CAMTA1: variants seen among roughly 807,000 people sequenced by gnomAD.
The protein encoded by CAMTA1 is calmodulin-binding transcription activator 1.
A neutral mutation model predicts 170.9 loss-of-function variants in CAMTA1; 27 were observed. The observed-to-expected ratio is 0.16, with a 90% CI of 0.12 to 0.22. The LOEUF is 0.22. CAMTA1 is among the 10% of genes least tolerant of loss of function. The pLI is 1.00. For missense variants in CAMTA1, 1,619 were observed against 2,217.2 expected (o/e 0.73, Z 5.42); for synonymous variants, 833 against 891.5 (o/e 0.93, Z 1.17).
chr1:7,374,486 C>T (rs1156951984), intron 5 of CAMTA1, among the ~76,000 whole-genome samples: 1 of 152,220 alleles, frequency 6.6e-6, no homozygotes, highest in Non-Finnish European at 1.5e-5. Flanking sequence ...GAGGGGCCGC[C>T]AACAATGACA....
At chr1:7,704,820 G>A (rs1422946214) in intron 11 of CAMTA1, among the ~76,000 whole-genome samples, 2 of 147,360 alleles carry the variant, frequency 1.4e-5, no homozygotes, top group East Asian at 2.0e-4. Flanking sequence ...GGGCGGGGCC[G>A]GGCGGGGCGC....
chr1:7,006,159 G>A (rs1466041148), intron 3 of CAMTA1, among the ~76,000 whole-genome samples: 1 of 152,150 alleles, frequency 6.6e-6, no homozygotes, highest in Non-Finnish European at 1.5e-5. Context: ...TTTGGGTTTG[G>A]AAATTTTCCA....
At chr1:7,380,561 C>T (rs1461231304) in intron 5 of CAMTA1, among the ~76,000 whole-genome samples, 2 of 152,062 alleles carry the variant, frequency 1.3e-5, no homozygotes, top group African/African-American at 2.4e-5. Context: ...GCAACAAGAG[C>T]GAAACTCTGT....
intron 3 of CAMTA1, among the ~76,000 whole-genome samples, chr1:6,836,415 T>G (rs530310604): frequency 1.3e-5 from 2 of 152,310 alleles, no homozygotes; most frequent in East Asian, 1.9e-4. Flanking sequence ...TCATGAGGTC[T>G]TCTTAGAAGC....
At chr1:6,877,267 G>A (rs1670183498) in intron 3 of CAMTA1, among the ~76,000 whole-genome samples, 1 of 152,214 alleles carries the variant, frequency 6.6e-6, no homozygotes, top group African/African-American at 2.4e-5. Flanking sequence ...CTTCCTCACT[G>A]TGAAAGTCGG....
intron 5 of CAMTA1, among the ~76,000 whole-genome samples, chr1:7,330,619 C>T (rs1049927219): frequency 7.2e-5 from 11 of 152,052 alleles, no homozygotes; most frequent in East Asian, 1.9e-4. Flanking sequence ...ACCCCAGTCT[C>T]GGATATCTGA....
rs1015209909 is a variant in CAMTA1 at position 7,748,466 on chromosome 1, G to T, written c.4689+685G>T. ...CAAAAGGGTTTTTGTCCAAATTTTTGATCTTTTAGTAATATTACCTACCTG... is the reference window on the plus strand; with the variant it reads ...CAAAAGGGTTTTTGTCCAAATTTTTTATCTTTTAGTAATATTACCTACCTG... On this transcript the variant is annotated intron_variant, in intron 19 of 22. Transcript: ENST00000303635. The surrounding 1 kb of genome is among the most constrained non-coding windows in gnomAD (Gnocchi z 4.7). 1.3e-5 allele frequency among the ~76,000 whole-genome samples: 2 copies of T among 152,038 alleles called. No homozygotes were observed. Among genetic ancestry groups the T allele is most frequent in the Non-Finnish European group, 2.9e-5 (2 of 68,000 alleles).
intron 5 of CAMTA1, among the ~76,000 whole-genome samples, chr1:7,410,409 C>G (rs763164): frequency 0.28 from 42,831 of 152,246 alleles, 6,712 homozygotes; most frequent in Non-Finnish European, 0.34. Flanking sequence ...CCCCTCCCGC[C>G]TGTCGTCAGG....
chr1:6,863,396 A>G (rs370237163), intron 3 of CAMTA1, among the ~76,000 whole-genome samples: 2 of 152,068 alleles, frequency 1.3e-5, no homozygotes, highest in African/African-American at 4.8e-5. Flanking sequence ...CCATCTGCTT[A>G]CAGAGATCCA....
At chr1:7,704,404 G>C (rs1266078093) in intron 11 of CAMTA1, among the ~76,000 whole-genome samples, 1 of 146,338 alleles carries the variant, frequency 6.8e-6, no homozygotes, top group East Asian at 2.0e-4. Context: ...CGCCCCATTC[G>C]CGGGCCGCGC....
At chr1:7,601,991 G>T (rs2095447960) in intron 6 of CAMTA1, among the ~76,000 whole-genome samples, 1 of 140,474 alleles carries the variant, frequency 7.1e-6, no homozygotes, top group Admixed American at 6.9e-5. Flanking sequence ...GAGACCGTGG[G>T]GAGAGGGAGA....
At position 7,631,394 on chromosome 1, in the gene CAMTA1, G is replaced by A. The variant is rs117941772; in HGVS notation, c.511-9006G>A. ...AGGTGTGAGATCATGACTTCAAGCA[G>A]GGCTGGCACCCAGAGACTCAGCCCT... On this transcript the variant is annotated intron_variant, in intron 6 of 22. Coordinates refer to ENST00000303635, the MANE Select transcript of CAMTA1 (RefSeq NM_015215.4). Among the ~76,000 whole-genome samples, 830 of 152,294 alleles carry A rather than the reference G, an allele frequency of 5.4e-3. 28 individuals are homozygous for A. In the South Asian group the frequency reaches 0.086, roughly 16 times the overall value.
intron 3 of CAMTA1, among the ~76,000 whole-genome samples, chr1:6,916,885 T>G (rs988703630): frequency 2.3e-4 from 35 of 152,222 alleles, no homozygotes; most frequent in Non-Finnish European, 3.8e-4. Flanking sequence ...GACCTGAGCT[T>G]GCCGTGAGCT....
At chr1:7,157,531 A>G (rs55821139) in intron 4 of CAMTA1, among the ~76,000 whole-genome samples, 2,634 of 143,926 alleles carry the variant, frequency 0.018, 71 homozygotes, top group African/African-American at 0.069. Flanking sequence ...GAAAATTTTA[A>G]AAGACTGAGG....
intron 5 of CAMTA1, among the ~76,000 whole-genome samples, chr1:7,336,610 A>G (rs918467995): frequency 2.6e-5 from 4 of 152,232 alleles, no homozygotes; most frequent in African/African-American, 9.6e-5. Context: ...GGCTTGTTAC[A>G]TAAATGACTT....
chr1:6,792,517 T>C (rs935713447), intron 1 of CAMTA1, among the ~76,000 whole-genome samples: 2 of 152,056 alleles, frequency 1.3e-5, no homozygotes, highest in Admixed American at 1.3e-4. Context: ...CAGAGAAATA[T>C]TATGTACCCC....
At chr1:7,233,325 G>A (rs563952826) in intron 4 of CAMTA1, among the ~76,000 whole-genome samples, 1 of 152,184 alleles carries the variant, frequency 6.6e-6, no homozygotes, top group African/African-American at 2.4e-5. Context: ...TGAGCCAGGC[G>A]CTGGGTGGCA....
chr1:7,230,110 G>T (rs1662452491), intron 4 of CAMTA1, among the ~76,000 whole-genome samples: 1 of 152,072 alleles, frequency 6.6e-6, no homozygotes, highest in Non-Finnish European at 1.5e-5. Flanking sequence ...TTCCTAGGGT[G>T]TCCCCCCCCA....
At chr1:7,107,999 C>G (rs1029286887) in intron 4 of CAMTA1, among the ~76,000 whole-genome samples, 1 of 152,164 alleles carries the variant, frequency 6.6e-6, no homozygotes, top group Non-Finnish European at 1.5e-5. Context: ...CGCTCAGTCC[C>G]CATGGGACAT....
Sources: gnomAD v4.1 joint callset for allele counts (sites outside exome capture counted in the v4.1 genomes callset) on GRCh38, gnomAD v4.1.1 for gene constraint, Gnocchi (gnomAD v3.1) non-coding constraint, MANE v1.5 for transcripts, NCBI Gene and HGNC (gene_info 2026-07-23, HGNC 2026-07-21) for gene names.